Variants in LRP1B observed in about 807,000 individuals in gnomAD.
LRP1B encodes the protein LDL receptor related protein 1B, also known as low-density lipoprotein receptor-related protein 1B.
LRP1B carries 217 observed loss-of-function variants against 556.6 expected under a neutral mutation model. The observed-to-expected ratio is 0.39, with a 90% CI of 0.35 to 0.44. The LOEUF (loss-of-function observed/expected upper bound fraction) is 0.44. LRP1B is among the 20% of genes least tolerant of loss of function. LRP1B has a pLI of 1.00. For missense variants in LRP1B, 5,053 were observed against 5,620.8 expected (o/e 0.90, Z 3.23); for synonymous variants, 2,047 against 1,865.8 (o/e 1.10, Z -2.50).
chr2:140,460,281 C>T (rs1687263365), intron 60 of LRP1B, among the ~76,000 whole-genome samples: 1 of 152,128 alleles, frequency 6.6e-6, no homozygotes, highest in Non-Finnish European at 1.5e-5. Context: ...GCCTCCAGAA[C>T]CATGAGCCAA....
At chr2:140,938,792 A>G (rs1318332775) in intron 20 of LRP1B, among the ~76,000 whole-genome samples, 1 of 149,420 alleles carries the variant, frequency 6.7e-6, no homozygotes, top group African/African-American at 2.4e-5. Flanking sequence ...CCCCTATATT[A>G]TCAACAGTGT....
At chr2:141,863,586 G>A (rs879561157) in intron 1 of LRP1B, among the ~76,000 whole-genome samples, 7 of 152,020 alleles carry the variant, frequency 4.6e-5, no homozygotes, top group Admixed American at 4.6e-4. Flanking sequence ...CTTATTTTTT[G>A]TGACAGGAGA....
In LRP1B at chr2:141,314,807, A is replaced by ATTT. The variant is rs1265044831; in HGVS notation, c.344-60167_344-60166insAAA. Among the ~76,000 whole-genome samples, 80 of 68,414 alleles carry ATTT rather than the reference A, an allele frequency of 1.2e-3. 1 individual carries two copies. The highest frequency in any genetic ancestry group is 0.01 in the South Asian group (21 of 2,036). 44.9% of individuals were successfully genotyped at this position (68,414 alleles called of 152,430 possible). ...CCCCGTCTCAAAAGAAAAAAAAAAA[A>ATTT]ATTTATATATATATATATATGTGTA... is the stretch of plus-strand genomic sequence containing the variant. On this transcript the variant is annotated intron_variant, in intron 3 of 90. Coordinates refer to ENST00000389484, the MANE Select transcript of LRP1B (RefSeq NM_018557.3).
intron 41 of LRP1B, among the ~76,000 whole-genome samples, chr2:140,642,952 A>G (rs988287379): frequency 6.6e-6 from 1 of 152,220 alleles, no homozygotes; most frequent in Non-Finnish European, 1.5e-5. Flanking sequence ...ATATATACAA[A>G]CATAAATATG....
chr2:141,563,607 A>G (rs996851189), intron 2 of LRP1B, among the ~76,000 whole-genome samples: 5 of 152,066 alleles, frequency 3.3e-5, no homozygotes, highest in African/African-American at 4.8e-5. Context: ...AAAACTATGT[A>G]GTATCTATAG....
chr2:140,264,214 T>C (rs1682081543), intron 86 of LRP1B, among the ~76,000 whole-genome samples: 1 of 151,558 alleles, frequency 6.6e-6, no homozygotes, highest in Admixed American at 6.6e-5. Context: ...TGAAACCTTT[T>C]TTTGTTTTGT....
intron 3 of LRP1B, among the ~76,000 whole-genome samples, chr2:141,301,952 C>G (rs963665142): frequency 6.6e-6 from 1 of 152,110 alleles, no homozygotes; most frequent in African/African-American, 2.4e-5. Flanking sequence ...AGTCCCTTAG[C>G]TTGTGCTAAT....
At chr2:140,847,763 TA>T (rs1001857902) in intron 29 of LRP1B, among the ~76,000 whole-genome samples, 63 of 49,072 alleles carry the variant, frequency 1.3e-3, no homozygotes, top group Admixed American at 2.0e-3. Flanking sequence ...AGACTGCATC[TA>T]AAAAAAAAAA....
At chr2:141,479,679 C>T (rs10204518) in intron 3 of LRP1B, among the ~76,000 whole-genome samples, 70,500 of 151,936 alleles carry the variant, frequency 0.46, 16,615 homozygotes, top group Non-Finnish European at 0.51. Flanking sequence ...CTTGATTCTG[C>T]TTCCAAATCT....
chr2:141,672,849 T>C (rs1049365498), intron 2 of LRP1B, among the ~76,000 whole-genome samples: 3 of 152,170 alleles, frequency 2.0e-5, no homozygotes, highest in African/African-American at 7.2e-5. Flanking sequence ...ACCGGAGACA[T>C]GACAGTGGAA....
At chr2:140,687,580 T>A (rs1686093707) in intron 41 of LRP1B, among the ~76,000 whole-genome samples, 1 of 152,100 alleles carries the variant, frequency 6.6e-6, no homozygotes, top group Non-Finnish European at 1.5e-5. Context: ...ACATGATTTT[T>A]TTTTTAGTAC....
At position 141,887,951 on chromosome 2, in the gene LRP1B, T is replaced by C. The variant is rs190193004; in HGVS notation, c.83-77550A>G. On this transcript the variant is annotated intron_variant, in intron 1 of 90. Coordinates refer to ENST00000389484, the MANE Select transcript of LRP1B (RefSeq NM_018557.3). ...CAGCAAAGAACTCTGGTAAAATACC[T>C]GTCAAAAACTAAAGATGATTTCCCT... Among the ~76,000 whole-genome samples, 75 of 152,328 alleles carry C rather than the reference T, an allele frequency of 4.9e-4. 1 individual carries two copies. The highest frequency in any genetic ancestry group is 1.8e-3 in the African/African-American group (73 of 41,580).
intron 2 of LRP1B, among the ~76,000 whole-genome samples, chr2:141,605,629 C>A (rs1272377929): frequency 6.6e-6 from 1 of 152,164 alleles, no homozygotes; most frequent in Non-Finnish European, 1.5e-5. Context: ...ACATGATCCA[C>A]TGGGCTCTGC....
chr2:141,784,607 A>G (rs1444382653), intron 2 of LRP1B, among the ~76,000 whole-genome samples: 2 of 152,066 alleles, frequency 1.3e-5, no homozygotes, highest in East Asian at 3.9e-4. Flanking sequence ...TGTAGAGACA[A>G]CAAAAGCCAG....
chr2:142,124,762 C>A (rs1169166795), intron 1 of LRP1B, among the ~76,000 whole-genome samples: 1 of 151,758 alleles, frequency 6.6e-6, no homozygotes, highest in Non-Finnish European at 1.5e-5. Flanking sequence ...AGAGACACAA[C>A]AGCAAAAGCA....
At chr2:141,036,137 T>C (rs867653735) in intron 11 of LRP1B, among the ~76,000 whole-genome samples, 3 of 152,048 alleles carry the variant, frequency 2.0e-5, no homozygotes, top group Middle Eastern at 3.4e-3. Context: ...TACATTGAAA[T>C]GCAAAGGGTG....
intron 43 of LRP1B, among the ~76,000 whole-genome samples, chr2:140,583,819 T>C (rs1168728205): frequency 6.6e-6 from 1 of 152,110 alleles, no homozygotes; most frequent in Non-Finnish European, 1.5e-5. Context: ...CTTGTTATAA[T>C]AACATTTTAA....
chr2:141,565,790 G>GA (rs1686308995), intron 2 of LRP1B, among the ~76,000 whole-genome samples: 1 of 152,194 alleles, frequency 6.6e-6, no homozygotes, highest in African/African-American at 2.4e-5. Flanking sequence ...ATTTAATCAG[G>GA]AAATGAAATC....
chr2:141,907,469 C>A (rs1317218506), intron 1 of LRP1B, among the ~76,000 whole-genome samples: 1 of 151,874 alleles, frequency 6.6e-6, no homozygotes, highest in African/African-American at 2.4e-5. Flanking sequence ...TTTTTGAAAG[C>A]AATATCTTCA....
Sources: allele counts gnomAD v4.1 joint callset (sites outside exome capture counted in the v4.1 genomes callset), GRCh38; gene constraint gnomAD v4.1.1; transcripts MANE v1.5; gene names NCBI Gene and HGNC (gene_info 2026-07-23, HGNC 2026-07-21).